Variants in MYO16 observed in about 807,000 individuals in gnomAD.
MYO16 encodes unconventional myosin-XVI.
MYO16 carries 94 observed loss-of-function variants against 205.3 expected under a neutral mutation model. The ratio of observed to expected loss-of-function variants is 0.46; its 90% CI spans 0.39 to 0.54. The LOEUF (loss-of-function observed/expected upper bound fraction) is 0.54. MYO16 is among the 20% of genes least tolerant of loss of function. The pLI, the probability that MYO16 is intolerant of heterozygous loss-of-function variation, is 0.00. For missense variants in MYO16, 2,315 were observed against 2,387.5 expected (o/e 0.97, Z 0.63); for synonymous variants, 988 against 954.0 (o/e 1.04, Z -0.66).
At chr13:109,046,235 A>G (rs911955040) in intron 23 of MYO16, among the ~76,000 whole-genome samples, 49 of 152,228 alleles carry the variant, frequency 3.2e-4, no homozygotes, top group African/African-American at 1.2e-3. Flanking sequence ...TTCAAAGGTA[A>G]GCCTTTTAAA....
chr13:108,794,574 A>G (rs1463946385), intron 6 of MYO16, among the ~76,000 whole-genome samples: 1 of 152,234 alleles, frequency 6.6e-6, no homozygotes, highest in Non-Finnish European at 1.5e-5. Flanking sequence ...AACTCCTGTC[A>G]TTACTTTTTA....
chr13:109,007,346 C>CCACT (rs1262615564), intron 21 of MYO16, among the ~76,000 whole-genome samples: 2 of 151,722 alleles, frequency 1.3e-5, no homozygotes, highest in Non-Finnish European at 2.9e-5. Flanking sequence ...CGAGATGGCG[C>CCACT]CACTGCACTC....
intron 20 of MYO16, among the ~76,000 whole-genome samples, chr13:108,972,249 CTATATATATATATATATA>C (rs1158879237): frequency 1.4e-3 from 4 of 2,850 alleles, no homozygotes; most frequent in Non-Finnish European, 1.8e-3. Context: ...CTCTCTCTCT[CTATATATATATATATATA>C]TATATATATA....
At chr13:108,707,722 G>A (rs975353858) in intron 2 of MYO16, among the ~76,000 whole-genome samples, 5 of 152,166 alleles carry the variant, frequency 3.3e-5, no homozygotes, top group African/African-American at 9.7e-5. Flanking sequence ...TTCCAAATGA[G>A]GCGTTCAGAG....
At chr13:108,571,812 T>C in the MYO16 span, among the ~76,000 whole-genome samples, 1 of 151,498 alleles carries the variant, frequency 6.6e-6, no homozygotes, top group African/African-American at 2.4e-5. Context: ...TGAGTTCCCA[T>C]GTGTGTCTTG....
At chr13:108,560,692 T>C in the MYO16 span, among the ~76,000 whole-genome samples, 2 of 152,192 alleles carry the variant, frequency 1.3e-5, no homozygotes, top group African/African-American at 4.8e-5. Flanking sequence ...TATATTAATG[T>C]GCTTAGGGAA....
chr13:108,989,143 T>A (rs560963389), intron 20 of MYO16, among the ~76,000 whole-genome samples: 3 of 152,344 alleles, frequency 2.0e-5, no homozygotes, highest in African/African-American at 7.2e-5. Flanking sequence ...CCTCCAGGTC[T>A]ACCATCTTAT....
intron 12 of MYO16, among the ~76,000 whole-genome samples, chr13:108,882,317 G>A (rs538173020): frequency 2.6e-5 from 4 of 152,178 alleles, no homozygotes; most frequent in Non-Finnish European, 5.9e-5. Context: ...ATTCAGGCCA[G>A]CGCTGCACGT....
At chr13:108,935,819 G>GTT (rs796450434) in intron 16 of MYO16, among the ~76,000 whole-genome samples, 14 of 145,640 alleles carry the variant, frequency 9.6e-5, no homozygotes, top group African/African-American at 2.2e-4. Flanking sequence ...TTTCTTGAGG[G>GTT]TTTTTTTTTT....
rs138317482 is a variant in MYO16, at chr13:109,086,231, C to A, written c.3336-14554C>A. ...ACACTTCTGTAGAATTAGGTAATTA[C>A]CAGAGGGCCCACTGGACAATGCCCA... is the stretch of plus-strand genomic sequence containing the variant. On this transcript the variant is annotated intron_variant, in intron 27 of 34. Coordinates refer to ENST00000457511, the MANE Select transcript of MYO16 (RefSeq NM_001198950.3). Among the ~76,000 whole-genome samples the A allele has an allele frequency of 1.7e-3, 254 of 152,266 alleles. 1 individual carries two copies. The highest frequency in any genetic ancestry group is 5.8e-3 in the African/African-American group (239 of 41,550).
the MYO16 span, among the ~76,000 whole-genome samples, chr13:108,533,361 T>G: frequency 1.3e-5 from 2 of 152,204 alleles, no homozygotes; most frequent in Non-Finnish European, 2.9e-5. Context: ...AGGGTGGGGC[T>G]GGCCCAACCA....
chr13:109,110,967 T>A (rs560344144), intron 28 of MYO16, among the ~76,000 whole-genome samples: 1 of 152,228 alleles, frequency 6.6e-6, no homozygotes, highest in South Asian at 2.1e-4. Flanking sequence ...GATACATGAA[T>A]GAATGAATGA....
the MYO16 span, among the ~76,000 whole-genome samples, chr13:108,588,330 A>G: frequency 1.3e-5 from 2 of 152,156 alleles, no homozygotes; most frequent in Non-Finnish European, 2.9e-5. Context: ...CCTAGGCTGT[A>G]CTGGTCACAG....
At chr13:109,004,066 G>T (rs774447466) in intron 21 of MYO16, among the ~76,000 whole-genome samples, 2 of 151,992 alleles carry the variant, frequency 1.3e-5, no homozygotes, top group Non-Finnish European at 2.9e-5. Flanking sequence ...TTATCATTTC[G>T]CACAGTAATA....
intron 21 of MYO16, among the ~76,000 whole-genome samples, chr13:109,002,649 G>A (rs980725900): frequency 6.6e-6 from 1 of 152,210 alleles, no homozygotes; most frequent in Admixed American, 6.5e-5. Context: ...CAACTCTACA[G>A]TAGGTAGATT....
intron 20 of MYO16, among the ~76,000 whole-genome samples, chr13:108,991,784 C>G (rs997467200): frequency 1.3e-5 from 2 of 152,124 alleles, no homozygotes; most frequent in African/African-American, 4.8e-5. Flanking sequence ...CATGTAGGCT[C>G]AGTTCCTTAA....
At chr13:108,667,561 C>T (rs371506720) in intron 2 of MYO16, among the ~76,000 whole-genome samples, 1 of 152,180 alleles carries the variant, frequency 6.6e-6, no homozygotes, top group Admixed American at 6.5e-5. Flanking sequence ...GTGAGCACAT[C>T]GAAGGTAGGG....
intron 11 of MYO16, among the ~76,000 whole-genome samples, chr13:108,859,188 G>C (rs552960193): frequency 6.6e-6 from 1 of 151,684 alleles, no homozygotes; most frequent in East Asian, 2.0e-4. Context: ...CAGACTGTCT[G>C]TCTCTCTCTT....
chr13:108,673,693 A>T (rs553692028), intron 2 of MYO16, among the ~76,000 whole-genome samples: 1 of 151,886 alleles, frequency 6.6e-6, no homozygotes, highest in Non-Finnish European at 1.5e-5. Context: ...TCCCTGGAAG[A>T]TCTCATTTTC....
Sources: gnomAD v4.1 joint callset for allele counts (sites outside exome capture counted in the v4.1 genomes callset) on GRCh38, gnomAD v4.1.1 for gene constraint, MANE v1.5 for transcripts, NCBI Gene and HGNC (gene_info 2026-07-23, HGNC 2026-07-21) for gene names.